CNTNAP2: variants seen among roughly 807,000 people sequenced by gnomAD.
CNTNAP2 encodes contactin associated protein 2, also known as contactin-associated protein-like 2.
Under a neutral mutation model 155.2 loss-of-function variants are expected in CNTNAP2, and 98 were observed. That is an observed-to-expected ratio of 0.63 (90% CI 0.54 to 0.75). CNTNAP2 has a LOEUF of 0.75. Ranked by LOEUF, CNTNAP2 falls within the 30% of genes least tolerant of loss-of-function variation. The probability of loss-of-function intolerance (pLI) is 0.00; values close to 1 mark genes in which losing one functional copy is unlikely to be tolerated. For synonymous variants in CNTNAP2, 651 were observed against 631.2 expected, an observed-to-expected ratio of 1.03 and a Z score of -0.47; for missense variants, 1,727 against 1,688.1, an observed-to-expected ratio of 1.02 and a Z score of -0.40.
chr7:146,659,804 A>G (rs1350377796), intron 1 of CNTNAP2, among the ~76,000 whole-genome samples: 1 of 152,214 alleles, frequency 6.6e-6, no homozygotes, highest in Non-Finnish European at 1.5e-5. Flanking sequence ...CTTTTCTTAT[A>G]AATATCCATC....
At chr7:148,313,802 G>A (rs974868712) in intron 21 of CNTNAP2, among the ~76,000 whole-genome samples, 5 of 152,174 alleles carry the variant, frequency 3.3e-5, no homozygotes, top group Admixed American at 6.5e-5. Context: ...GAATAAGACG[G>A]CCTTTTGACC....
intron 1 of CNTNAP2, among the ~76,000 whole-genome samples, chr7:146,125,027 A>G (rs1797614531): frequency 6.6e-6 from 1 of 152,190 alleles, no homozygotes; most frequent in South Asian, 2.1e-4. Flanking sequence ...CTTATGATTT[A>G]AGTCACTTGG....
intron 1 of CNTNAP2, among the ~76,000 whole-genome samples, chr7:146,132,325 A>G (rs977827262): frequency 5.9e-5 from 9 of 152,216 alleles, no homozygotes; most frequent in South Asian, 2.1e-4. Context: ...CAATTCTCAT[A>G]TGCTAATATG....
At chr7:147,727,512 T>C (rs1026375915) in intron 13 of CNTNAP2, among the ~76,000 whole-genome samples, 1 of 152,052 alleles carries the variant, frequency 6.6e-6, no homozygotes, top group African/African-American at 2.4e-5. Flanking sequence ...CTTCCATTAG[T>C]GAGGAGGAGA....
Position 148,094,527 on chromosome 7 carries a change from G to A in CNTNAP2, c.2384-23591G>A, listed in dbSNP as rs192539605. Among the ~76,000 whole-genome samples the A allele has an allele frequency of 4.9e-3, 743 of 152,274 alleles. 2 individuals carry two copies. Among genetic ancestry groups the A allele is most frequent in the South Asian group, 8.3e-3 (40 of 4,818 alleles). On this transcript the variant is annotated intron_variant, in intron 15 of 23. Transcript: ENST00000361727. ...AGTTAAATCATCCTGTTGGCTCTGC[G>A]GAGGATGATCTGGAAGGGGTGGTAC...
intron 13 of CNTNAP2, among the ~76,000 whole-genome samples, chr7:147,817,620 G>A (rs1247733468): frequency 6.6e-6 from 1 of 152,034 alleles, no homozygotes; most frequent in Non-Finnish European, 1.5e-5. Context: ...AAATAGCAAA[G>A]AAGGCCGGGC....
intron 1 of CNTNAP2, among the ~76,000 whole-genome samples, chr7:146,275,581 T>G (rs1378707689): frequency 6.6e-6 from 1 of 152,172 alleles, no homozygotes; most frequent in Non-Finnish European, 1.5e-5. Context: ...GTGTGTGGGG[T>G]GTGTTCACAA....
At chr7:146,299,751 A>G (rs1430842012) in intron 1 of CNTNAP2, among the ~76,000 whole-genome samples, 1 of 152,078 alleles carries the variant, frequency 6.6e-6, no homozygotes, top group Non-Finnish European at 1.5e-5. Flanking sequence ...GGTACGACTT[A>G]TGTGAAACCT....
chr7:146,368,739 G>A (rs936976283), intron 1 of CNTNAP2, among the ~76,000 whole-genome samples: 2 of 151,672 alleles, frequency 1.3e-5, no homozygotes, highest in Non-Finnish European at 1.5e-5. Context: ...TTGTTTATTT[G>A]TGCACCTCTG....
chr7:147,376,773 G>T (rs1428736383), intron 9 of CNTNAP2, among the ~76,000 whole-genome samples: 1 of 151,870 alleles, frequency 6.6e-6, no homozygotes, highest in Non-Finnish European at 1.5e-5. Flanking sequence ...CACAACTGGG[G>T]CAATAAATAG....
intron 15 of CNTNAP2, among the ~76,000 whole-genome samples, chr7:148,090,718 C>T (rs1803821582): frequency 6.6e-6 from 1 of 152,004 alleles, no homozygotes; most frequent in African/African-American, 2.4e-5. Flanking sequence ...AATAGAGCTA[C>T]CATATGATCC....
chr7:147,170,450 T>C (rs1802203874), intron 8 of CNTNAP2, among the ~76,000 whole-genome samples: 1 of 152,102 alleles, frequency 6.6e-6, no homozygotes. Flanking sequence ...GTTTGATGTT[T>C]CTGGCTGTGG....
intron 1 of CNTNAP2, among the ~76,000 whole-genome samples, chr7:146,538,164 T>C (rs186040353): frequency 6.6e-6 from 1 of 152,208 alleles, no homozygotes; most frequent in African/African-American, 2.4e-5. Context: ...GTTTTGGAAA[T>C]ATTTACAAGG....
chr7:148,270,778 G>A (rs188681995), intron 21 of CNTNAP2, among the ~76,000 whole-genome samples: 2 of 152,260 alleles, frequency 1.3e-5, no homozygotes, highest in East Asian at 1.9e-4. Context: ...TGTGGACTTC[G>A]GAATCAGGCA....
At chr7:148,076,711 G>A (rs147579416) in intron 15 of CNTNAP2, among the ~76,000 whole-genome samples, 62 of 151,986 alleles carry the variant, frequency 4.1e-4, no homozygotes, top group African/African-American at 1.4e-3. Context: ...CTGGAGTGCT[G>A]GGATTACAGG....
intron 2 of CNTNAP2, among the ~76,000 whole-genome samples, chr7:146,833,734 G>A (rs1242888828): frequency 6.6e-6 from 1 of 152,156 alleles, no homozygotes; most frequent in African/African-American, 2.4e-5. Flanking sequence ...GATACACACA[G>A]GGAACTTACA....
intron 8 of CNTNAP2, among the ~76,000 whole-genome samples, chr7:147,207,474 A>G (rs1803046710): frequency 6.6e-6 from 1 of 152,130 alleles, no homozygotes; most frequent in African/African-American, 2.4e-5. Flanking sequence ...TAGAGTACAA[A>G]CCTACTTTAT....
chr7:148,252,224 A>T (rs1166298879), intron 20 of CNTNAP2, among the ~76,000 whole-genome samples: 1 of 152,126 alleles, frequency 6.6e-6, no homozygotes, highest in Non-Finnish European at 1.5e-5. Flanking sequence ...CCCTTAATAC[A>T]TTCTTTCTCT....
intron 2 of CNTNAP2, among the ~76,000 whole-genome samples, chr7:146,821,555 T>C (rs1341660248): frequency 2.0e-5 from 3 of 151,916 alleles, no homozygotes; most frequent in African/African-American, 7.3e-5. Context: ...TGGGAGAAAA[T>C]GTTCGCAACC....
Sources: gnomAD v4.1 joint callset for allele counts (sites outside exome capture counted in the v4.1 genomes callset) on GRCh38, gnomAD v4.1.1 for gene constraint, MANE v1.5 for transcripts, NCBI Gene and HGNC (gene_info 2026-07-23, HGNC 2026-07-21) for gene names.